Variants in GSTM4 observed in about 807,000 individuals in gnomAD.
GSTM4 encodes glutathione S-transferase mu 4.
Under a neutral mutation model 30.1 loss-of-function variants are expected in GSTM4, and 27 were observed. That is an observed-to-expected ratio of 0.90 (90% CI 0.66 to 1.24). The LOEUF (loss-of-function observed/expected upper bound fraction) is 1.24, where lower values mean the gene tolerates loss of function less well. Ranked by LOEUF, GSTM4 falls within the 50% of genes most tolerant of loss-of-function variation. The pLI is 0.00. For missense variants in GSTM4, 238 were observed against 272.1 expected, an observed-to-expected ratio of 0.87 and a Z score of 0.88; for synonymous variants, 94 against 96.2, an observed-to-expected ratio of 0.98 and a Z score of 0.13.
intron 7 of GSTM4, 88 bp from the exon 8 acceptor site, chr1:109,661,077 G>A (rs945519773): frequency 1.6e-5 from 25 of 1,556,242 alleles, no homozygotes; most frequent in Non-Finnish European, 2.0e-5. Flanking sequence ...TGTGGCCAGG[G>A]CCCTGACCTG....
In GSTM4 at chr1:109,661,320, G is replaced by C; in HGVS notation, c.*66G>C. On this transcript the variant is annotated 3_prime_UTR_variant, in exon 8 of 8. Transcript: ENST00000369836. The stretch of plus-strand genomic sequence containing the variant: ...CAGCCTGCTGCCCAGGCTGTGCAGC[G>C]CAGCTGGACTCTGCATCCCAGCACC... The C allele has an allele frequency of 6.2e-7, 1 of 1,607,968 alleles. No homozygotes were observed. Among genetic ancestry groups the C allele is most frequent in the Non-Finnish European group, 8.5e-7 (1 of 1,176,840 alleles).
intron 3 of GSTM4, 108 bp from the exon 4 acceptor site, chr1:109,657,482 G>A: frequency 2.6e-6 from 4 of 1,523,550 alleles, no homozygotes; most frequent in Admixed American, 3.3e-5. Context: ...GGCCTGCCAT[G>A]AGCGGGCACA....
At chr1:109,659,217 G>A (rs748212849) in intron 7 of GSTM4, 107 bp downstream of exon 7, 1 of 1,613,844 alleles carries the variant, frequency 6.2e-7, no homozygotes, top group Non-Finnish European at 8.5e-7. Flanking sequence ...CATTTATTGA[G>A]TGCTGGCTTC....
At chr1:109,663,880 C>G (rs535752854), downstream of GSTM4, among the ~76,000 whole-genome samples, 1 of 152,360 alleles carries the variant, frequency 6.6e-6, no homozygotes, top group African/African-American at 2.4e-5. Context: ...AGTCCCTGAG[C>G]ATAGCAGGTG....
chr1:109,656,487 G>A (rs927683665), intron 1 of GSTM4, 62 bp downstream of exon 1: 9 of 1,586,200 alleles, frequency 5.7e-6, no homozygotes, highest in Non-Finnish European at 7.8e-6. Flanking sequence ...CGAGCGGCTG[G>A]GGACCGGCTC....
At chr1:109,662,501 G>T (rs1652353645), downstream of GSTM4, among the ~76,000 whole-genome samples, 1 of 152,200 alleles carries the variant, frequency 6.6e-6, no homozygotes, top group Non-Finnish European at 1.5e-5. Context: ...GAATTCAGGT[G>T]ATGCCCAGCA....
At chr1:109,661,936 C>T (rs1371561547), downstream of GSTM4, among the ~76,000 whole-genome samples, 3 of 152,126 alleles carry the variant, frequency 2.0e-5, no homozygotes, top group African/African-American at 7.2e-5. Flanking sequence ...CTCAAGAATC[C>T]TCCCACTTCA....
chr1:109,659,680 C>A, intron 7 of GSTM4: 1 of 363,180 alleles, frequency 2.8e-6, no homozygotes, highest in Non-Finnish European at 5.2e-6. Context: ...GTGGCCAGAG[C>A]TGGATTAGGG....
chr1:109,667,260 T>A (rs905555489), downstream of GSTM4, among the ~76,000 whole-genome samples: 2 of 151,640 alleles, frequency 1.3e-5, no homozygotes, highest in Non-Finnish European at 2.9e-5. Context: ...TGATGGAACA[T>A]TTATTTCAGT....
Position 109,658,836 on chromosome 1 carries a change from TG to T in GSTM4, c.385del (p.Glu129ArgfsTer6). ...CAGGAGAAACTGAAGCCAGAATACT[TG>T]GAGGAACTTCCTACAATGATGCAGC... Reference protein sequence around the residue: ...PDFEKLKPEYLEELPTMMQHF... With the variant: ...PDFEKLKPEYXEELPTMMQHF... On this transcript the variant is annotated frameshift_variant, in exon 6 of 8. Coordinates refer to ENST00000369836, the MANE Select transcript of GSTM4 (RefSeq NM_000850.5). LOFTEE classifies it high-confidence loss of function. 6.2e-7 allele frequency: 1 copy of T among 1,613,938 alleles called. No homozygotes were observed. The highest frequency in any genetic ancestry group is 1.1e-5 in the South Asian group (1 of 91,080).
intron 1 of GSTM4, 125 bp downstream of exon 1, chr1:109,656,550 CTGTGTGTGTGTGTGTGTGTGTGTGTG>C (rs57680849): frequency 5.6e-6 from 3 of 532,092 alleles, no homozygotes; most frequent in Non-Finnish European, 9.7e-6. Flanking sequence ...CTGTGCATGC[CTGTGTGTGTGTGTGTGTGTGTGTGTG>C]TGTGTGTGTG....
At chr1:109,661,035 A>G in intron 7 of GSTM4, 130 bp from the exon 8 acceptor site, 3 of 1,262,836 alleles carry the variant, frequency 2.4e-6, no homozygotes, top group Non-Finnish European at 2.2e-6. Context: ...AGGCTGTGTG[A>G]TGCCTCAGCA....
At chr1:109,657,158 G>A (rs1027950624) in intron 2 of GSTM4, 57 bp from the exon 3 acceptor site, 21 of 1,591,658 alleles carry the variant, frequency 1.3e-5, no homozygotes, top group African/African-American at 5.4e-5. Context: ...GAGGGTCCCC[G>A]GGAAGGAGGG....
At chr1:109,659,449 CAAAA>C (rs1350634650) in intron 7 of GSTM4, 2 of 1,267,432 alleles carry the variant, frequency 1.6e-6, no homozygotes, top group Non-Finnish European at 2.1e-6. Flanking sequence ...CCTTTTGTGA[CAAAA>C]GAAAGAAGCC....
downstream of GSTM4, among the ~76,000 whole-genome samples, chr1:109,662,906 T>C (rs904216228): frequency 2.6e-5 from 4 of 152,206 alleles, no homozygotes; most frequent in African/African-American, 9.7e-5. Context: ...GAGCCAGGTA[T>C]AATGATGCCA....
chr1:109,665,622 G>A (rs1480149311), downstream of GSTM4: 1 of 152,110 alleles, frequency 6.6e-6, no homozygotes. Flanking sequence ...TCATCAATAA[G>A]TTTTAAAAAA....
chr1:109,663,950 CCCTT>C (rs1557955563), downstream of GSTM4, among the ~76,000 whole-genome samples: 2 of 152,108 alleles, frequency 1.3e-5, no homozygotes, highest in African/African-American at 4.8e-5. Flanking sequence ...ATTTCAAATT[CCCTT>C]TAGATTTTTA....
chr1:109,660,749 G>C (rs982794534), intron 7 of GSTM4: 8 of 196,032 alleles, frequency 4.1e-5, no homozygotes, highest in Non-Finnish European at 5.3e-5. Context: ...GAACTGGAGA[G>C]AGACAGAACC....
chr1:109,666,566 T>C (rs536433855), downstream of GSTM4, among the ~76,000 whole-genome samples: 1 of 152,348 alleles, frequency 6.6e-6, no homozygotes, highest in Non-Finnish European at 1.5e-5. Flanking sequence ...ATTCCTGATG[T>C]GCAGCTTGAT....
Sources: allele counts gnomAD v4.1 joint callset (sites outside exome capture counted in the v4.1 genomes callset), GRCh38; gene constraint gnomAD v4.1.1; transcripts MANE v1.5; gene names NCBI Gene and HGNC (gene_info 2026-07-23, HGNC 2026-07-21).